Variants in PDGFD observed in about 807,000 individuals in gnomAD.
The protein encoded by PDGFD is platelet-derived growth factor D.
In PDGFD, 30 loss-of-function variants were observed where a neutral mutation model predicts 44.7. That is an observed-to-expected ratio of 0.67 (90% CI 0.50 to 0.91). The LOEUF is 0.91. Ranked by LOEUF, PDGFD falls within the 40% of genes least tolerant of loss-of-function variation. PDGFD has a pLI of 0.00. For missense variants in PDGFD, 445 were observed against 457.8 expected, an observed-to-expected ratio of 0.97 and a Z score of 0.25; for synonymous variants, 173 against 168.4, an observed-to-expected ratio of 1.03 and a Z score of -0.21.
intron 1 of PDGFD, among the ~76,000 whole-genome samples, chr11:104,100,102 T>G (rs1861351887): frequency 6.6e-6 from 1 of 152,104 alleles, no homozygotes; most frequent in African/African-American, 2.4e-5. Flanking sequence ...AGGGTTAATC[T>G]TTTCCCTTAA....
chr11:104,034,368 T>G (rs1396166090), intron 1 of PDGFD, among the ~76,000 whole-genome samples: 1 of 151,950 alleles, frequency 6.6e-6, no homozygotes, highest in Non-Finnish European at 1.5e-5. Flanking sequence ...TAAGCAAATA[T>G]GAGTATAGAA....
chr11:103,915,126 G>C (rs181421674), intron 6 of PDGFD, among the ~76,000 whole-genome samples: 1 of 152,078 alleles, frequency 6.6e-6, no homozygotes, highest in Middle Eastern at 3.2e-3. Context: ...GAAATAAAGG[G>C]TATTCAAATA....
At chr11:104,089,540 T>C (rs367722487) in intron 1 of PDGFD, among the ~76,000 whole-genome samples, 3 of 152,262 alleles carry the variant, frequency 2.0e-5, no homozygotes, top group African/African-American at 7.2e-5. Flanking sequence ...TAATAGCATA[T>C]AGTACTTTAA....
At chr11:104,071,774 T>G (rs1860880311) in intron 1 of PDGFD, among the ~76,000 whole-genome samples, 1 of 151,790 alleles carries the variant, frequency 6.6e-6, no homozygotes, top group Non-Finnish European at 1.5e-5. Flanking sequence ...ACCTATGCTT[T>G]TATCTAGTAT....
chr11:104,115,282 TAC>T (rs1861617830), intron 1 of PDGFD, among the ~76,000 whole-genome samples: 1 of 148,304 alleles, frequency 6.7e-6, no homozygotes, highest in Admixed American at 6.8e-5. Flanking sequence ...TGTATGTATA[TAC>T]ATATATATAT....
At chr11:103,935,480 G>A (rs1245904661) in intron 5 of PDGFD, among the ~76,000 whole-genome samples, 1 of 152,082 alleles carries the variant, frequency 6.6e-6, no homozygotes, top group East Asian at 1.9e-4. Flanking sequence ...GAAAAGCTTA[G>A]CAGAAAAAAC....
intron 1 of PDGFD, among the ~76,000 whole-genome samples, chr11:104,075,172 T>C (rs1860938657): frequency 6.6e-6 from 1 of 152,106 alleles, no homozygotes; most frequent in African/African-American, 2.4e-5. Context: ...TGGTCACAGG[T>C]GGGGACTATA....
intron 1 of PDGFD, among the ~76,000 whole-genome samples, chr11:104,103,462 GTATATATATATATA>G (rs58684985): frequency 1.3e-4 from 17 of 133,262 alleles, no homozygotes; most frequent in African/African-American, 2.8e-4. Flanking sequence ...GTGTGTGTGT[GTATATATATATATA>G]TATATATATA....
intron 1 of PDGFD, among the ~76,000 whole-genome samples, chr11:104,020,477 T>C (rs1859932985): frequency 1.3e-5 from 2 of 152,132 alleles, no homozygotes; most frequent in African/African-American, 2.4e-5. Context: ...TGACAAACCA[T>C]ATAAATATCA....
chr11:104,078,928 A>G (rs1054529479), intron 1 of PDGFD, among the ~76,000 whole-genome samples: 1 of 152,148 alleles, frequency 6.6e-6, no homozygotes, highest in African/African-American at 2.4e-5. Flanking sequence ...GCTTACCTGT[A>G]TTAAAGAAAG....
chr11:104,038,520 A>G (rs1860293112), intron 1 of PDGFD: 3 of 172,532 alleles, frequency 1.7e-5, no homozygotes, highest in Non-Finnish European at 4.2e-5. Context: ...TTACACTATG[A>G]TGTTAACTAA....
In PDGFD at chr11:104,001,091, G is replaced by A. The variant is rs113164160; in HGVS notation, c.125-836C>T. On this transcript the variant is annotated intron_variant, in intron 1 of 6. Coordinates refer to ENST00000393158, the MANE Select transcript of PDGFD (RefSeq NM_025208.5). ...ACCAACCATGTGATTAAGGGTTAGGGTTTGGAGCCATTATGACATTCAACC... is the reference window on the plus strand; with the variant it reads ...ACCAACCATGTGATTAAGGGTTAGGATTTGGAGCCATTATGACATTCAACC... Among the ~76,000 whole-genome samples, 6 of 152,326 alleles carry A rather than the reference G, an allele frequency of 3.9e-5. 1 individual carries two copies. The highest frequency in any genetic ancestry group is 1.4e-4 in the African/African-American group (6 of 41,584).
intron 1 of PDGFD, among the ~76,000 whole-genome samples, chr11:104,110,716 T>C (rs563903526): frequency 7.2e-5 from 11 of 152,234 alleles, no homozygotes; most frequent in African/African-American, 2.6e-4. Flanking sequence ...TTTTTAAAAT[T>C]CACTGCAATG....
chr11:103,974,293 G>T (rs1351371681), intron 3 of PDGFD, among the ~76,000 whole-genome samples: 2 of 151,996 alleles, frequency 1.3e-5, no homozygotes, highest in Non-Finnish European at 1.5e-5. Context: ...ATGGGATGGG[G>T]ACTAACATTG....
chr11:104,077,027 A>C (rs1482644351), intron 1 of PDGFD, among the ~76,000 whole-genome samples: 1 of 152,234 alleles, frequency 6.6e-6, no homozygotes, highest in African/African-American at 2.4e-5. Flanking sequence ...TAATATCAGT[A>C]AGGATTCCAG....
intron 1 of PDGFD, among the ~76,000 whole-genome samples, chr11:104,089,488 TC>T (rs1168387948): frequency 6.6e-6 from 1 of 152,182 alleles, no homozygotes; most frequent in Non-Finnish European, 1.5e-5. Context: ...TGTTGAAAAT[TC>T]CAAGTTTATA....
intron 1 of PDGFD, among the ~76,000 whole-genome samples, chr11:104,125,945 C>T (rs1861835899): frequency 6.6e-6 from 1 of 152,112 alleles, no homozygotes; most frequent in African/African-American, 2.4e-5. Context: ...ATAGAACAAG[C>T]ATTTGTAACC....
chr11:104,144,919 C>T (rs1862141775), intron 1 of PDGFD, among the ~76,000 whole-genome samples: 1 of 152,142 alleles, frequency 6.6e-6, no homozygotes, highest in Non-Finnish European at 1.5e-5. Context: ...ATTGTAGACA[C>T]AGGTGTTACT....
At chr11:104,034,716 T>C (rs1489488187) in intron 1 of PDGFD, among the ~76,000 whole-genome samples, 3 of 151,774 alleles carry the variant, frequency 2.0e-5, no homozygotes, top group African/African-American at 7.3e-5. Context: ...AATCTCGGCT[T>C]ACTGCAAGCT....
Sources: gnomAD v4.1 joint callset for allele counts (sites outside exome capture counted in the v4.1 genomes callset) on GRCh38, gnomAD v4.1.1 for gene constraint, MANE v1.5 for transcripts, NCBI Gene and HGNC (gene_info 2026-07-23, HGNC 2026-07-21) for gene names.